The following FKBP5 variants were observed in gnomAD, a reference collection of about 807,000 sequenced individuals.
FKBP5 encodes the protein FKBP prolyl isomerase 5.
FKBP5 carries 23 observed loss-of-function variants against 50.5 expected under a neutral mutation model. The observed-to-expected ratio is 0.46, with a 90% CI of 0.33 to 0.65. FKBP5 has a LOEUF of 0.65. Ranked by LOEUF, FKBP5 falls within the 30% of genes least tolerant of loss-of-function variation. FKBP5 has a pLI of 0.02. For missense variants in FKBP5, 411 were observed against 553.1 expected, an observed-to-expected ratio of 0.74 and a Z score of 2.58; for synonymous variants, 176 against 190.6, an observed-to-expected ratio of 0.92 and a Z score of 0.63.
intron 2 of FKBP5, among the ~76,000 whole-genome samples, chr6:35,638,666 C>T (rs1764390072): frequency 6.6e-6 from 1 of 152,108 alleles, no homozygotes; most frequent in Admixed American, 6.6e-5. Flanking sequence ...GATTCTCCCG[C>T]CTCAGCCTCC....
At chr6:35,588,032 A>T (rs7766764) in intron 7 of FKBP5, among the ~76,000 whole-genome samples, 110,569 of 143,968 alleles carry the variant, frequency 0.77, 42,388 homozygotes, top group African/African-American at 0.82. Flanking sequence ...TATTATTATT[A>T]TTTTTTTTTT....
chr6:35,633,154 G>A (rs971844604), intron 3 of FKBP5, among the ~76,000 whole-genome samples: 7 of 152,084 alleles, frequency 4.6e-5, no homozygotes, highest in African/African-American at 1.2e-4. Context: ...TACAATATAA[G>A]GGATCAATGG....
chr6:35,656,296 T>C (rs1334476603), intron 1 of FKBP5, among the ~76,000 whole-genome samples: 1 of 152,224 alleles, frequency 6.6e-6, no homozygotes, highest in East Asian at 1.9e-4. Flanking sequence ...AGCTGTGGAA[T>C]CTCTGGCCCT....
At chr6:35,626,485 C>T (rs572427710) in intron 3 of FKBP5, among the ~76,000 whole-genome samples, 2 of 152,150 alleles carry the variant, frequency 1.3e-5, no homozygotes, top group South Asian at 4.1e-4. Context: ...TTAAAAAAAA[C>T]GCTTAATTGT....
chr6:35,724,400 A>G (rs1167261842), intron 1 of FKBP5, among the ~76,000 whole-genome samples: 2 of 152,180 alleles, frequency 1.3e-5, no homozygotes, highest in Non-Finnish European at 2.9e-5. Context: ...TCCAGATTTC[A>G]GCCTGTCGAA....
intron 3 of FKBP5, among the ~76,000 whole-genome samples, chr6:35,621,031 T>C (rs190972706): frequency 3.8e-4 from 58 of 152,248 alleles, no homozygotes; most frequent in African/African-American, 1.4e-3. Context: ...ACAGGATAAA[T>C]TGCATAAAAG....
intron 10 of FKBP5, 55 bp downstream of exon 10, chr6:35,576,939 A>T (rs918776070): frequency 1.3e-5 from 20 of 1,588,412 alleles, no homozygotes; most frequent in Non-Finnish European, 1.7e-5. Context: ...CCCTAAAATC[A>T]AAGGGGCATG....
intron 9 of FKBP5, among the ~76,000 whole-genome samples, chr6:35,578,469 C>G (rs1762299261): frequency 6.6e-6 from 1 of 150,924 alleles, no homozygotes; most frequent in Admixed American, 6.6e-5. Context: ...ATATAATCAA[C>G]AAAGCTAAAA....
intron 1 of FKBP5, among the ~76,000 whole-genome samples, chr6:35,723,313 G>A (rs1477136072): frequency 2.6e-5 from 4 of 152,022 alleles, no homozygotes; most frequent in Admixed American, 1.3e-4. Flanking sequence ...TAGGACTTTG[G>A]TTCCCAGGGC....
intron 1 of FKBP5, among the ~76,000 whole-genome samples, chr6:35,643,164 T>G (rs897329583): frequency 2.0e-5 from 3 of 152,184 alleles, no homozygotes; most frequent in African/African-American, 7.2e-5. Flanking sequence ...AAACATCCTT[T>G]TTCTACAGCC....
At chr6:35,701,043 CT>C (rs931117807) in intron 2 of FKBP5, among the ~76,000 whole-genome samples, 3 of 151,954 alleles carry the variant, frequency 2.0e-5, no homozygotes, top group African/African-American at 4.8e-5. Context: ...GCAACAAATA[CT>C]TTTTTTAGTA....
At chr6:35,626,715 T>C (rs1764008541) in intron 3 of FKBP5, among the ~76,000 whole-genome samples, 1 of 152,220 alleles carries the variant, frequency 6.6e-6, no homozygotes, top group Non-Finnish European at 1.5e-5. Context: ...AGATAACTCA[T>C]ATAAGTGGAA....
At chr6:35,637,392 C>T (rs2150986818) in intron 2 of FKBP5, among the ~76,000 whole-genome samples, 1 of 151,488 alleles carries the variant, frequency 6.6e-6, no homozygotes, top group Non-Finnish European at 1.5e-5. Flanking sequence ...ACTATTTATT[C>T]CTTCAAAGAA....
chr6:35,683,991 T>C (rs555521230), intron 1 of FKBP5, among the ~76,000 whole-genome samples: 1 of 151,894 alleles, frequency 6.6e-6, no homozygotes. Flanking sequence ...CCAATGGAGG[T>C]TGCAGTGAGC....
At chr6:35,582,904 T>G in intron 8 of FKBP5, 1 of 917,150 alleles carries the variant, frequency 1.1e-6, no homozygotes, top group South Asian at 5.0e-5. Flanking sequence ...AATATTGAAA[T>G]CAAAGGAATG....
intron 2 of FKBP5, among the ~76,000 whole-genome samples, chr6:35,640,771 AC>A (rs1297314740): frequency 2.6e-5 from 4 of 151,944 alleles, no homozygotes; most frequent in Admixed American, 6.6e-5. Flanking sequence ...TACTTTTTAA[AC>A]TTTTTTTTGT....
intron 2 of FKBP5, among the ~76,000 whole-genome samples, chr6:35,715,478 A>T (rs901747155): frequency 7.9e-5 from 12 of 152,366 alleles, no homozygotes; most frequent in Admixed American, 5.9e-4. Context: ...TATTGCCAGC[A>T]CTATTATAAA....
chr6:35,714,263 C>G (rs1377161957), intron 2 of FKBP5, among the ~76,000 whole-genome samples: 1 of 143,048 alleles, frequency 7.0e-6, no homozygotes, highest in Non-Finnish European at 1.5e-5. Flanking sequence ...ACCAGCCTGG[C>G]CAACATGGTG....
At chr6:35,605,550 C>G (rs922358871) in intron 5 of FKBP5, among the ~76,000 whole-genome samples, 1 of 151,828 alleles carries the variant, frequency 6.6e-6, no homozygotes, top group African/African-American at 2.4e-5. Flanking sequence ...GTGCATGCCA[C>G]TATGTGTGGC....
Sources: gnomAD v4.1 joint callset for allele counts (sites outside exome capture counted in the v4.1 genomes callset) on GRCh38, gnomAD v4.1.1 for gene constraint, MANE v1.5 for transcripts, NCBI Gene and HGNC (gene_info 2026-07-23, HGNC 2026-07-21) for gene names.